The following BATF variants were observed in gnomAD, a reference collection of about 807,000 sequenced individuals.
BATF encodes the protein basic leucine zipper ATF-like transcription factor, also known as basic leucine zipper transcriptional factor ATF-like.
A neutral mutation model predicts 13.7 loss-of-function variants in BATF; 5 were observed. The observed-to-expected ratio is 0.36, with a 90% confidence interval of 0.19 to 0.77. The LOEUF (loss-of-function observed/expected upper bound fraction) is 0.77. Ranked by LOEUF, BATF falls within the 30% of genes least tolerant of loss-of-function variation. The pLI, the probability that BATF is intolerant of heterozygous loss-of-function variation, is 0.51. For missense variants in BATF, 124 were observed against 163.0 expected (o/e 0.76, Z 1.30); for synonymous variants, 72 against 67.5 (o/e 1.07, Z -0.33).
intron 2 of BATF, among the ~76,000 whole-genome samples, chr14:75,543,095 G>A (rs376961564): frequency 3.3e-5 from 5 of 152,322 alleles, no homozygotes; most frequent in East Asian, 1.9e-4. Flanking sequence ...CAGGACTCCC[G>A]GCCCCCAGTT....
intron 2 of BATF, among the ~76,000 whole-genome samples, chr14:75,540,391 C>T (rs1286023575): frequency 5.3e-5 from 8 of 152,118 alleles, no homozygotes; most frequent in Non-Finnish European, 7.4e-5. Context: ...AAGCTGCTTG[C>T]GGTTCATGGT....
At chr14:75,543,411 G>A (rs145279790) in intron 2 of BATF, among the ~76,000 whole-genome samples, 3 of 152,242 alleles carry the variant, frequency 2.0e-5, no homozygotes, top group African/African-American at 7.2e-5. Context: ...GATGGAACCT[G>A]GCTTGATGAG....
chr14:75,534,468 T>C (rs1887789936), intron 2 of BATF, among the ~76,000 whole-genome samples: 1 of 152,196 alleles, frequency 6.6e-6, no homozygotes, highest in African/African-American at 2.4e-5. Flanking sequence ...ACCCACAAGA[T>C]GCCAGTAGAA....
At chr14:75,540,265 C>T (rs190552847) in intron 2 of BATF, among the ~76,000 whole-genome samples, 192 of 152,238 alleles carry the variant, frequency 1.3e-3, no homozygotes, top group African/African-American at 4.3e-3. Context: ...AGGGAACTGC[C>T]TGGGGATTCC....
chr14:75,523,931 C>T (rs1174402764), intron 1 of BATF, among the ~76,000 whole-genome samples: 1 of 152,114 alleles, frequency 6.6e-6, no homozygotes, highest in East Asian at 1.9e-4. Flanking sequence ...AAGGAAATTA[C>T]TCATGGCTTC....
intron 2 of BATF, among the ~76,000 whole-genome samples, chr14:75,545,376 C>G (rs1053485370): frequency 6.8e-6 from 1 of 148,070 alleles, no homozygotes; most frequent in African/African-American, 2.5e-5. Flanking sequence ...TGTGCACCAC[C>G]ACGCCTGGTT....
In BATF at chr14:75,546,961, G is replaced by T. The variant is rs768760547; in HGVS notation, c.*290G>T. On this transcript the variant is annotated 3_prime_UTR_variant, in exon 3 of 3. Coordinates refer to ENST00000286639, the MANE Select transcript of BATF (RefSeq NM_006399.5). ...CACAGAGCAAGGCGGGCAGGGAACG[G>T]TTATTTTTCTAAATAAATGCTTTAA... 6.1e-5 allele frequency: 43 copies of T among 702,730 alleles called. No homozygotes were observed. The highest frequency in any genetic ancestry group is 4.6e-4 in the Middle Eastern group (2 of 4,388). 43.5% of individuals were successfully genotyped at this position (702,730 alleles called of 1,614,324 possible). A position where few individuals can be genotyped will look rare whatever the true frequency, so the allele number is the denominator to read the frequency against.
Position 75,546,688 on chromosome 14 carries a change from G to T in BATF, c.*17G>T, listed in dbSNP as rs1374193944. The T allele has an allele frequency of 6.4e-7, 1 of 1,562,348 alleles. No homozygotes were observed. The highest frequency in any genetic ancestry group is 8.7e-7 in the Non-Finnish European group (1 of 1,154,164). On this transcript the variant is annotated 3_prime_UTR_variant, in exon 3 of 3. Transcript: ENST00000286639. ...CAGCCCTGAGCTTCCGATGCGGGGA[G>T]AGCAGAGCCTCGGGAGGGGCACACA...
At chr14:75,523,009 C>A (rs1180405715) in intron 1 of BATF, among the ~76,000 whole-genome samples, 1 of 152,070 alleles carries the variant, frequency 6.6e-6, no homozygotes, top group East Asian at 1.9e-4. Flanking sequence ...GGGGTTGCCA[C>A]CCTAAAAAGC....
intron 2 of BATF, among the ~76,000 whole-genome samples, chr14:75,532,337 A>G (rs975598936): frequency 1.3e-5 from 2 of 152,184 alleles, no homozygotes; most frequent in Admixed American, 6.5e-5. Flanking sequence ...TCCCCCAGCC[A>G]TCATCAGGCG....
At chr14:75,531,134 A>G (rs990528181) in intron 2 of BATF, among the ~76,000 whole-genome samples, 5 of 152,232 alleles carry the variant, frequency 3.3e-5, no homozygotes, top group African/African-American at 1.2e-4. Context: ...AGAGTATTCA[A>G]TCTTGACGTT....
At chr14:75,541,149 TTTTGG>T (rs1887890400) in intron 2 of BATF, among the ~76,000 whole-genome samples, 1 of 152,126 alleles carries the variant, frequency 6.6e-6, no homozygotes. Flanking sequence ...TTTAAAAAAA[TTTTGG>T]TTTCTATCCA....
chr14:75,533,277 A>C (rs1376995613), intron 2 of BATF, among the ~76,000 whole-genome samples: 1 of 151,860 alleles, frequency 6.6e-6, no homozygotes, highest in Non-Finnish European at 1.5e-5. Context: ...AAATGCAAAA[A>C]ATTAGCCAGG....
intron 2 of BATF, among the ~76,000 whole-genome samples, chr14:75,538,879 C>T (rs750782870): frequency 2.6e-5 from 4 of 152,168 alleles, no homozygotes; most frequent in Non-Finnish European, 4.4e-5. Context: ...CCAGCCTGGG[C>T]GACAGAGCGA....
At chr14:75,540,478 A>T (rs551822029) in intron 2 of BATF, among the ~76,000 whole-genome samples, 1 of 152,274 alleles carries the variant, frequency 6.6e-6, no homozygotes, top group East Asian at 1.9e-4. Flanking sequence ...TAAAATTGGA[A>T]AGCCACCGGG....
In BATF at chr14:75,525,150, C is replaced by T; in HGVS notation, c.130C>T (p.Arg44Ter). 6.2e-7 allele frequency: 1 copy of T among 1,613,970 alleles called. No individual in the cohort carries two copies. The highest frequency in any genetic ancestry group is 8.5e-7 in the Non-Finnish European group (1 of 1,179,986). The change falls in exon 2 of 3, where the codon CGA becomes TGA. Residue 44 changes from arginine (R) to a stop codon, truncating the protein, a stop_gained. Coordinates refer to ENST00000286639, the MANE Select transcript of BATF (RefSeq NM_006399.5). LOFTEE classifies it high-confidence loss of function. ...EKNRIAAQKS[R>*]QRQTQKADTL... ...AAATCGTATTGCCGCCCAGAAGAGC[C>T]GACAGAGGCAGACACAGAAGGCCGA...
At chr14:75,542,949 G>A (rs1359958389) in intron 2 of BATF, among the ~76,000 whole-genome samples, 2 of 152,222 alleles carry the variant, frequency 1.3e-5, no homozygotes, top group South Asian at 2.1e-4. Context: ...CAGCCTCTAG[G>A]CGGGGAGAAG....
At chr14:75,524,072 C>A (rs1256460926) in intron 1 of BATF, among the ~76,000 whole-genome samples, 1 of 152,154 alleles carries the variant, frequency 6.6e-6, no homozygotes, top group Non-Finnish European at 1.5e-5. Context: ...GATCCCAGAG[C>A]TTTGCCCTTG....
chr14:75,544,262 A>T (rs77659270), intron 2 of BATF, among the ~76,000 whole-genome samples: 14,434 of 151,850 alleles, frequency 0.095, 693 homozygotes, highest in African/African-American at 0.11. Flanking sequence ...AATTATTATT[A>T]TTTTTTTAAT....
Sources: gnomAD v4.1 joint callset for allele counts (sites outside exome capture counted in the v4.1 genomes callset) on GRCh38, gnomAD v4.1.1 for gene constraint, MANE v1.5 for transcripts, NCBI Gene and HGNC (gene_info 2026-07-23, HGNC 2026-07-21) for gene names.